The following TOX variants were observed in gnomAD, a reference collection of about 807,000 sequenced individuals.
TOX encodes the protein thymocyte selection associated high mobility group box.
In TOX, 11 loss-of-function variants were observed where a neutral mutation model predicts 53.7. That is an observed-to-expected ratio of 0.20 (90% confidence interval 0.13 to 0.34). The LOEUF is 0.34. Ranked by LOEUF, TOX falls within the 10% of genes least tolerant of loss-of-function variation. The pLI is 1.00. For missense variants in TOX, 570 were observed against 664.6 expected (o/e 0.86, Z 1.56); for synonymous variants, 225 against 245.3 (o/e 0.92, Z 0.77).
intron 5 of TOX, among the ~76,000 whole-genome samples, chr8:58,830,999 T>G (rs1025218922): frequency 5.9e-5 from 9 of 152,198 alleles, no homozygotes; most frequent in African/African-American, 2.2e-4. Flanking sequence ...CTTAGTCCAT[T>G]TAACTTAATG....
At chr8:58,843,506 G>A (rs1319532250) in intron 4 of TOX, among the ~76,000 whole-genome samples, 1 of 152,144 alleles carries the variant, frequency 6.6e-6, no homozygotes, top group Non-Finnish European at 1.5e-5. Context: ...GTACTTTGGA[G>A]GGAATTGTTT....
chr8:59,020,079 T>A (rs371313), intron 1 of TOX, among the ~76,000 whole-genome samples: 1 of 152,120 alleles, frequency 6.6e-6, no homozygotes. Flanking sequence ...ACAATGCTAG[T>A]TTTCAACCTT....
chr8:58,997,755 A>G (rs1009416895), intron 1 of TOX, among the ~76,000 whole-genome samples: 1 of 152,206 alleles, frequency 6.6e-6, no homozygotes, highest in Non-Finnish European at 1.5e-5. Context: ...TATTATTTAT[A>G]GTAGGATTAT....
intron 1 of TOX, among the ~76,000 whole-genome samples, chr8:59,038,869 A>G (rs1034773306): frequency 1.1e-4 from 17 of 152,242 alleles, no homozygotes; most frequent in African/African-American, 3.9e-4. Flanking sequence ...GGCAGCAAAA[A>G]GGGACAGCGT....
intron 3 of TOX, among the ~76,000 whole-genome samples, chr8:58,900,184 C>T (rs1377817175): frequency 6.6e-6 from 1 of 152,152 alleles, no homozygotes; most frequent in East Asian, 1.9e-4. Flanking sequence ...ATCTCCCATT[C>T]ACCCAGTGGA....
chr8:59,009,289 G>A (rs1485033347), intron 1 of TOX, among the ~76,000 whole-genome samples: 1 of 148,216 alleles, frequency 6.7e-6, no homozygotes, highest in Non-Finnish European at 1.5e-5. Context: ...GCCCTCCTTG[G>A]CCCTTCAGTC....
chr8:58,856,748 GT>G (rs1357921712), intron 3 of TOX, among the ~76,000 whole-genome samples: 88 of 142,058 alleles, frequency 6.2e-4, no homozygotes, highest in African/African-American at 1.3e-3. Flanking sequence ...ACCTTCCTTT[GT>G]TTTTTTTTTT....
chr8:59,017,240 T>C (rs1330762522), intron 1 of TOX, among the ~76,000 whole-genome samples: 1 of 152,246 alleles, frequency 6.6e-6, no homozygotes, highest in Admixed American at 6.5e-5. Flanking sequence ...TGTTTAGAAA[T>C]TCATAATATT....
intron 5 of TOX, among the ~76,000 whole-genome samples, chr8:58,830,982 T>C (rs577112709): frequency 1.3e-5 from 2 of 152,336 alleles, no homozygotes; most frequent in South Asian, 2.1e-4. Context: ...CTATATTTTA[T>C]ATAGAACTTA....
intron 1 of TOX, among the ~76,000 whole-genome samples, chr8:59,045,247 C>T (rs911415118): frequency 3.3e-5 from 5 of 152,064 alleles, no homozygotes; most frequent in African/African-American, 7.2e-5. Context: ...ATTATTTAAA[C>T]GAGCTATATT....
chr8:58,848,234 G>C (rs1180411160), intron 4 of TOX, among the ~76,000 whole-genome samples: 1 of 151,702 alleles, frequency 6.6e-6, no homozygotes, highest in Non-Finnish European at 1.5e-5. Context: ...ACTGAAAGAA[G>C]AGAAAGAATA....
At chr8:58,897,254 A>T (rs1428670119) in intron 3 of TOX, among the ~76,000 whole-genome samples, 1 of 152,144 alleles carries the variant, frequency 6.6e-6, no homozygotes, top group Non-Finnish European at 1.5e-5. Flanking sequence ...CTCTATAAAC[A>T]TTTTTATTTC....
At chr8:58,993,303 A>C (rs914255028) in intron 1 of TOX, among the ~76,000 whole-genome samples, 3 of 152,246 alleles carry the variant, frequency 2.0e-5, no homozygotes, top group Non-Finnish European at 4.4e-5. Context: ...TTATTTGGAA[A>C]GATGGGGGTG....
intron 1 of TOX, among the ~76,000 whole-genome samples, chr8:58,972,178 T>C (rs560670662): frequency 1.3e-5 from 2 of 152,348 alleles, no homozygotes; most frequent in African/African-American, 4.8e-5. Flanking sequence ...TCTTTAAATA[T>C]GTACACATTT....
intron 7 of TOX, among the ~76,000 whole-genome samples, chr8:58,808,677 T>C (rs1810028350): frequency 6.6e-6 from 1 of 152,206 alleles, no homozygotes; most frequent in Admixed American, 6.5e-5. Context: ...TTTTGAAGGA[T>C]TCAGGCAGCA....
intron 1 of TOX, among the ~76,000 whole-genome samples, chr8:59,080,485 G>T (rs1286307196): frequency 1.3e-5 from 2 of 152,164 alleles, no homozygotes; most frequent in Non-Finnish European, 2.9e-5. Flanking sequence ...GGGACGGTTA[G>T]GAAGGCATGA....
chr8:58,877,548 T>C (rs957972566), intron 3 of TOX, among the ~76,000 whole-genome samples: 1 of 152,184 alleles, frequency 6.6e-6, no homozygotes, highest in Non-Finnish European at 1.5e-5. Context: ...CAACCTTGCC[T>C]GCTGTTTGCA....
At chr8:59,005,858 C>T (rs1342057782) in intron 1 of TOX, among the ~76,000 whole-genome samples, 1 of 152,222 alleles carries the variant, frequency 6.6e-6, no homozygotes, top group African/African-American at 2.4e-5. Context: ...AACTGCTGTC[C>T]TGGCTGGATT....
intron 1 of TOX, among the ~76,000 whole-genome samples, chr8:59,025,360 A>G (rs1814214087): frequency 6.6e-6 from 1 of 152,120 alleles, no homozygotes; most frequent in African/African-American, 2.4e-5. Flanking sequence ...AATTCACTAG[A>G]GACTTGTTAA....
Sources: allele counts gnomAD v4.1 joint callset (sites outside exome capture counted in the v4.1 genomes callset), GRCh38; gene constraint gnomAD v4.1.1; transcripts MANE v1.5; gene names NCBI Gene and HGNC (gene_info 2026-07-23, HGNC 2026-07-21).